Variants in NKAIN2 observed in about 807,000 individuals in gnomAD.
NKAIN2 encodes the protein sodium/potassium transporting ATPase interacting 2, also known as sodium/potassium-transporting ATPase subunit beta-1-interacting protein 2.
NKAIN2 carries 14 observed loss-of-function variants against 32.6 expected under a neutral mutation model. The ratio of observed to expected loss-of-function variants is 0.43; its 90% CI spans 0.28 to 0.67. The LOEUF (loss-of-function observed/expected upper bound fraction) is 0.67. NKAIN2 is among the 30% of genes least tolerant of loss of function. NKAIN2 has a pLI of 0.17. For missense variants in NKAIN2, 198 were observed against 258.3 expected (o/e 0.77, Z 1.60); for synonymous variants, 80 against 87.2 (o/e 0.92, Z 0.46).
intron 5 of NKAIN2, among the ~76,000 whole-genome samples, chr6:124,805,099 GA>G (rs1327647160): frequency 6.6e-6 from 1 of 151,940 alleles, no homozygotes; most frequent in African/African-American, 2.4e-5. Context: ...AACCTCTGCA[GA>G]CTTAAATGTC....
intron 1 of NKAIN2, among the ~76,000 whole-genome samples, chr6:123,869,496 A>T (rs1159405273): frequency 6.6e-6 from 1 of 152,080 alleles, no homozygotes; most frequent in Admixed American, 6.5e-5. Flanking sequence ...ATCCATCCTG[A>T]GTTAGAGTTT....
At chr6:124,531,683 GT>G (rs1226346992) in intron 3 of NKAIN2, among the ~76,000 whole-genome samples, 2 of 152,018 alleles carry the variant, frequency 1.3e-5, no homozygotes, top group Non-Finnish European at 2.9e-5. Context: ...CTTTCTTTCT[GT>G]TTTTTTCCAA....
chr6:124,110,201 T>A (rs1308681887), intron 1 of NKAIN2, among the ~76,000 whole-genome samples: 1 of 151,704 alleles, frequency 6.6e-6, no homozygotes, highest in Non-Finnish European at 1.5e-5. Flanking sequence ...GTGCAGTTTA[T>A]CCCAGGGATG....
At chr6:124,256,885 G>GT (rs568654193) in intron 1 of NKAIN2, among the ~76,000 whole-genome samples, 5,462 of 75,756 alleles carry the variant, frequency 0.072, 123 homozygotes, top group South Asian at 0.12. Flanking sequence ...GCTTTCTGTT[G>GT]TTTTTTTTTT....
intron 4 of NKAIN2, among the ~76,000 whole-genome samples, chr6:124,720,796 A>G (rs1315394782): frequency 3.9e-5 from 6 of 152,208 alleles, no homozygotes; most frequent in Non-Finnish European, 8.8e-5. Context: ...GGTGAAAAGA[A>G]TGGGAGAATC....
At chr6:124,412,969 G>A (rs919517362) in intron 3 of NKAIN2, among the ~76,000 whole-genome samples, 14 of 152,166 alleles carry the variant, frequency 9.2e-5, no homozygotes, top group African/African-American at 1.4e-4. Flanking sequence ...AGGACCCTCC[G>A]AGCCAGGTGC....
At chr6:124,633,235 A>G (rs960461135) in intron 3 of NKAIN2, among the ~76,000 whole-genome samples, 19 of 152,184 alleles carry the variant, frequency 1.2e-4, no homozygotes, top group African/African-American at 4.6e-4. Flanking sequence ...ATGCAGTTAT[A>G]TGTGCACTCT....
At chr6:124,282,018 C>T (rs1271788970) in intron 1 of NKAIN2, among the ~76,000 whole-genome samples, 5 of 152,150 alleles carry the variant, frequency 3.3e-5, no homozygotes, top group Admixed American at 2.6e-4. Flanking sequence ...ATCATCCCCC[C>T]TGAGGGCAGG....
intron 3 of NKAIN2, among the ~76,000 whole-genome samples, chr6:124,425,869 A>G (rs1353802861): frequency 6.6e-6 from 1 of 152,126 alleles, no homozygotes; most frequent in African/African-American, 2.4e-5. Flanking sequence ...CTTATTCACA[A>G]TATGATTTTT....
intron 1 of NKAIN2, among the ~76,000 whole-genome samples, chr6:124,244,361 A>T (rs978208438): frequency 3.0e-4 from 46 of 151,120 alleles, no homozygotes; most frequent in African/African-American, 1.1e-3. Context: ...TGTTCTTGCG[A>T]TAGTTTACTG....
chr6:124,330,790 A>G (rs1797619236), intron 2 of NKAIN2, among the ~76,000 whole-genome samples: 1 of 152,166 alleles, frequency 6.6e-6, no homozygotes, highest in Non-Finnish European at 1.5e-5. Flanking sequence ...GGCAGGCAAG[A>G]GAACATTACT....
At chr6:124,804,644 G>A in intron 5 of NKAIN2, 1 of 152,492 alleles carries the variant, frequency 6.6e-6, no homozygotes, top group South Asian at 2.1e-4. Context: ...AGTGGGCGCA[G>A]GTCAGTGGGT....
intron 1 of NKAIN2, among the ~76,000 whole-genome samples, chr6:123,978,679 TTG>T (rs879607053): frequency 2.8e-4 from 42 of 151,544 alleles, no homozygotes; most frequent in African/African-American, 8.5e-4. Context: ...AATTTCACAA[TTG>T]TGTGTGTGTG....
chr6:124,228,570 C>A lies in NKAIN2; in HGVS notation c.55-54435C>A, dbSNP rs149242803. On this transcript the variant is annotated intron_variant, in intron 1 of 6. Transcript: ENST00000368417. ...TCAACACATGAATATATTGAACACACAACTTAGTCCATAGCAAGACCTAAA... is the reference window on the plus strand; with the variant it reads ...TCAACACATGAATATATTGAACACAAAACTTAGTCCATAGCAAGACCTAAA... Among the ~76,000 whole-genome samples, 174 of 152,272 alleles carry A rather than the reference C, an allele frequency of 1.1e-3. 1 individual carries two copies. The highest frequency in any genetic ancestry group is 2.8e-3 in the African/African-American group (117 of 41,564).
At chr6:123,972,098 C>A (rs977069164) in intron 1 of NKAIN2, among the ~76,000 whole-genome samples, 5 of 152,132 alleles carry the variant, frequency 3.3e-5, no homozygotes, top group Non-Finnish European at 1.5e-5. Flanking sequence ...TTTTCTCTTT[C>A]TTATGCTTCT....
chr6:123,847,023 AC>A (rs1775123153), intron 1 of NKAIN2, among the ~76,000 whole-genome samples: 1 of 152,246 alleles, frequency 6.6e-6, no homozygotes, highest in Non-Finnish European at 1.5e-5. Context: ...GACTAGGAAT[AC>A]ATTCTTTATT....
chr6:124,607,406 T>A (rs938670769), intron 3 of NKAIN2, among the ~76,000 whole-genome samples: 6 of 152,058 alleles, frequency 3.9e-5, no homozygotes, highest in Non-Finnish European at 7.4e-5. Flanking sequence ...AGGAAAGTAA[T>A]CTGATTGGCT....
At chr6:124,695,770 T>C (rs919124655) in intron 4 of NKAIN2, among the ~76,000 whole-genome samples, 1 of 152,150 alleles carries the variant, frequency 6.6e-6, no homozygotes, top group Admixed American at 6.6e-5. Context: ...TAGGTTCATA[T>C]AGGAAGGAGG....
chr6:124,410,481 T>G (rs576319662), intron 3 of NKAIN2, among the ~76,000 whole-genome samples: 1 of 152,316 alleles, frequency 6.6e-6, no homozygotes, highest in South Asian at 2.1e-4. Flanking sequence ...AGGTTTTTGT[T>G]TAGTTTCCAT....
Sources: gnomAD v4.1 joint callset for allele counts (sites outside exome capture counted in the v4.1 genomes callset) on GRCh38, gnomAD v4.1.1 for gene constraint, MANE v1.5 for transcripts, NCBI Gene and HGNC (gene_info 2026-07-23, HGNC 2026-07-21) for gene names.